MAGI3: variants seen among roughly 807,000 people sequenced by gnomAD.
The protein encoded by MAGI3 is membrane associated guanylate kinase, WW and PDZ domain containing 3, also known as membrane-associated guanylate kinase, WW and PDZ domain-containing protein 3.
A neutral mutation model predicts 121.8 loss-of-function variants in MAGI3; 43 were observed. The observed-to-expected ratio is 0.35, with a 90% CI of 0.28 to 0.46. The LOEUF (loss-of-function observed/expected upper bound fraction) is 0.46. Among genes scored for constraint, MAGI3 ranks in the 20% least tolerant of loss-of-function variants. MAGI3 has a pLI of 1.00. For missense variants in MAGI3, 1,547 were observed against 1,797.3 expected, an observed-to-expected ratio of 0.86 and a Z score of 2.52; for synonymous variants, 553 against 639.3, an observed-to-expected ratio of 0.86 and a Z score of 2.04.
intron 1 of MAGI3, among the ~76,000 whole-genome samples, chr1:113,523,640 C>T (rs896173776): frequency 1.3e-5 from 2 of 152,242 alleles, no homozygotes; most frequent in African/African-American, 4.8e-5. Context: ...TGGAAGAAAT[C>T]TCTAAGTAGT....
chr1:113,433,411 G>T (rs1296724049), intron 1 of MAGI3, among the ~76,000 whole-genome samples: 1 of 152,122 alleles, frequency 6.6e-6, no homozygotes, highest in Non-Finnish European at 1.5e-5. Context: ...AAATTTGCTG[G>T]TGCAGGTCAT....
At chr1:113,480,296 A>C (rs1352399548) in intron 1 of MAGI3, among the ~76,000 whole-genome samples, 1 of 152,098 alleles carries the variant, frequency 6.6e-6, no homozygotes, top group East Asian at 1.9e-4. Context: ...TGGTTAGGCC[A>C]TTTTGCAGGG....
intron 9 of MAGI3, among the ~76,000 whole-genome samples, chr1:113,632,898 AG>A (rs1651726811): frequency 7.1e-6 from 1 of 140,582 alleles, no homozygotes; most frequent in Non-Finnish European, 1.6e-5. Flanking sequence ...TTAGTTTTTT[AG>A]TTTTTTTTTT....
At chr1:113,409,136 G>A (rs1651837368) in intron 1 of MAGI3, among the ~76,000 whole-genome samples, 1 of 150,896 alleles carries the variant, frequency 6.6e-6, no homozygotes, top group South Asian at 2.1e-4. Context: ...GTTTCAAGAG[G>A]AACACACATG....
At chr1:113,603,631 C>T (rs993320675) in intron 6 of MAGI3, among the ~76,000 whole-genome samples, 4 of 151,858 alleles carry the variant, frequency 2.6e-5, no homozygotes, top group Non-Finnish European at 4.4e-5. Flanking sequence ...AAAATAAATG[C>T]GACCTAATTA....
chr1:113,472,563 C>T (rs1369114238), intron 1 of MAGI3, among the ~76,000 whole-genome samples: 1 of 151,508 alleles, frequency 6.6e-6, no homozygotes, highest in Non-Finnish European at 1.5e-5. Context: ...AGTTTGTTTC[C>T]TCCTCTCTTT....
Position 113,683,104 on chromosome 1 carries a change from C to T in MAGI3, c.3536C>T (p.Pro1179Leu), listed in dbSNP as rs1648316716. 6 of 1,613,246 alleles carry T rather than the reference C, an allele frequency of 3.7e-6. No homozygotes were observed. The highest frequency in any genetic ancestry group is 5.1e-6 in the Non-Finnish European group (6 of 1,179,726). ...EKKSTLNENQ[P>L]EIKHQSLLQK... ...AAAAGCACTTTAAATGAAAATCAGC[C>T]TGAGATAAAGCATCAGTCTCTTCTC... Residue 1179 changes from proline (P) to leucine (L), a missense_variant, in exon 21 of 21, where the codon CCT becomes CTT. Transcript: ENST00000307546.
chr1:113,640,989 C>CTATATATGATATATATAA (rs1652435404), intron 9 of MAGI3, among the ~76,000 whole-genome samples: 1 of 93,878 alleles, frequency 1.1e-5, no homozygotes. Context: ...TATATATACA[C>CTATATATGATATATATAA]TATATATGAT....
chr1:113,641,876 A>T, intron 9 of MAGI3, 35 bp from the exon 10 acceptor site: 1 of 1,516,004 alleles, frequency 6.6e-7, no homozygotes, highest in South Asian at 1.4e-5. Flanking sequence ...TTATTTGTTG[A>T]TTTTAATATT....
At chr1:113,532,311 AC>A (rs990847703) in intron 1 of MAGI3, among the ~76,000 whole-genome samples, 1 of 152,082 alleles carries the variant, frequency 6.6e-6, no homozygotes, top group Middle Eastern at 3.2e-3. Context: ...ACAGAATTGA[AC>A]ATGAAATTTT....
chr1:113,612,514 G>A (rs1321024631), intron 6 of MAGI3, among the ~76,000 whole-genome samples: 1 of 152,002 alleles, frequency 6.6e-6, no homozygotes, highest in Non-Finnish European at 1.5e-5. Context: ...CCACTAAATA[G>A]TGTATAAAGT....
chr1:113,489,516 C>G (rs1656571512), intron 1 of MAGI3, among the ~76,000 whole-genome samples: 1 of 152,034 alleles, frequency 6.6e-6, no homozygotes, highest in Non-Finnish European at 1.5e-5. Flanking sequence ...CATCTCCGTT[C>G]CAGCAAGGAT....
At chr1:113,397,110 C>T (rs1269393976) in intron 1 of MAGI3, among the ~76,000 whole-genome samples, 1 of 152,150 alleles carries the variant, frequency 6.6e-6, no homozygotes, top group Non-Finnish European at 1.5e-5. Context: ...CCAAATGCCA[C>T]TTTTCCACCC....
At chr1:113,547,444 T>C (rs1365285438) in intron 1 of MAGI3, among the ~76,000 whole-genome samples, 1 of 152,224 alleles carries the variant, frequency 6.6e-6, no homozygotes, top group Admixed American at 6.5e-5. Flanking sequence ...GCCTACATTA[T>C]GTTGTTTTTA....
chr1:113,584,035 T>A (rs1399408418), intron 3 of MAGI3, among the ~76,000 whole-genome samples: 1 of 152,166 alleles, frequency 6.6e-6, no homozygotes, highest in Non-Finnish European at 1.5e-5. Flanking sequence ...GTCTCAGCAT[T>A]ATGGGGAAGA....
chr1:113,575,719 GTGCTGGGAGATCTGC>G (rs1251731991), intron 2 of MAGI3, among the ~76,000 whole-genome samples: 3 of 152,212 alleles, frequency 2.0e-5, no homozygotes, highest in African/African-American at 7.2e-5. Context: ...CTTGAGCAGT[GTGCTGGGAGATCTGC>G]TGCTCTCTTC....
Position 113,390,930 on chromosome 1 carries a change from T to A in MAGI3, c.-104T>A. The A allele has an allele frequency of 1.1e-6, 1 of 949,906 alleles. No homozygotes were observed. Among genetic ancestry groups the A allele is most frequent in the Non-Finnish European group, 1.4e-6 (1 of 729,844 alleles). The allele number at this position is 949,906 out of a possible 1,614,324, so 58.8% of individuals were successfully genotyped here. A position where few individuals can be genotyped will look rare whatever the true frequency, so the allele number is the denominator to read the frequency against. On this transcript the variant is annotated 5_prime_UTR_variant, in exon 1 of 21. Coordinates refer to ENST00000307546, the MANE Select transcript of MAGI3 (RefSeq NM_001142782.2). ...GGGGCCGGAGCGGCGAGGCCCCCCT[T>A]ACCGGGCTGCGCGGGCCGCCCAGGG...
chr1:113,472,204 G>GT (rs752606893), intron 1 of MAGI3, among the ~76,000 whole-genome samples: 6,892 of 137,710 alleles, frequency 0.05, 334 homozygotes, highest in African/African-American at 0.13. Flanking sequence ...GATAGATCTT[G>GT]TTTTTTTTTT....
At chr1:113,657,774 C>T (rs910500046) in intron 15 of MAGI3, among the ~76,000 whole-genome samples, 27 of 152,160 alleles carry the variant, frequency 1.8e-4, no homozygotes, top group African/African-American at 6.0e-4. Context: ...TCTCTAATTA[C>T]GTTGTTTGTA....
Sources: gnomAD v4.1 joint callset for allele counts (sites outside exome capture counted in the v4.1 genomes callset) on GRCh38, gnomAD v4.1.1 for gene constraint, MANE v1.5 for transcripts, NCBI Gene and HGNC (gene_info 2026-07-23, HGNC 2026-07-21) for gene names.